The following NSD1 variants were observed in gnomAD, a reference collection of about 807,000 sequenced individuals.
NSD1 encodes histone-lysine N-methyltransferase, H3 lysine-36 specific.
A neutral mutation model predicts 242.7 loss-of-function variants in NSD1; 26 were observed. The ratio of observed to expected loss-of-function variants is 0.11; its 90% CI spans 0.08 to 0.15. NSD1 has a LOEUF of 0.15. Ranked by LOEUF, NSD1 falls within the 10% of genes least tolerant of loss-of-function variation. NSD1 has a pLI of 1.00. For synonymous variants in NSD1, 1,106 were observed against 1,178.1 expected (o/e 0.94, Z 1.25); for missense variants, 2,495 against 3,272.8 (o/e 0.76, Z 5.80).
intron 3 of NSD1, among the ~76,000 whole-genome samples, chr5:177,196,489 T>A (rs567587722): frequency 6.6e-6 from 1 of 152,302 alleles, no homozygotes; most frequent in East Asian, 1.9e-4. Context: ...ATGCATTGGA[T>A]AATGTTGACT....
rs1000873721 is a variant in NSD1, at chr5:177,238,009, C to G, written c.3922-228C>G. Among the ~76,000 whole-genome samples the G allele has an allele frequency of 6.6e-6, 1 of 152,164 alleles. No homozygotes were observed. Among genetic ancestry groups the G allele is most frequent in the Admixed American group, 6.5e-5 (1 of 15,276 alleles). On this transcript the variant is annotated intron_variant, in intron 6 of 22. Transcript: ENST00000439151. This position sits in a 1 kb window ranked among gnomAD's most constrained non-coding sequence, Gnocchi z 4.6. ...CCCCTGGCAATTGCCATTCTATTTTCTGTCTCAAGAATTTTCTTATTCTAG... is the reference window on the plus strand; with the variant it reads ...CCCCTGGCAATTGCCATTCTATTTTGTGTCTCAAGAATTTTCTTATTCTAG...
intron 2 of NSD1, among the ~76,000 whole-genome samples, chr5:177,186,805 A>C (rs1313198048): frequency 6.6e-6 from 1 of 152,136 alleles, no homozygotes; most frequent in African/African-American, 2.4e-5. Flanking sequence ...CCTGGGGAAC[A>C]CAGGGAGACC....
At chr5:177,240,585 C>T (rs1230100130) in intron 8 of NSD1, among the ~76,000 whole-genome samples, 6 of 151,882 alleles carry the variant, frequency 4.0e-5, no homozygotes, top group African/African-American at 9.7e-5. Flanking sequence ...TGGTGGCAGG[C>T]GCCTGTAGTC....
intron 2 of NSD1, among the ~76,000 whole-genome samples, chr5:177,166,288 C>T (rs544590392): frequency 6.6e-6 from 1 of 151,902 alleles, no homozygotes; most frequent in Admixed American, 6.6e-5. Context: ...TGGCTTATGC[C>T]TATAATCCTA....
intron 21 of NSD1, among the ~76,000 whole-genome samples, chr5:177,290,420 T>C (rs1759727557): frequency 6.6e-6 from 1 of 151,410 alleles, no homozygotes; most frequent in African/African-American, 2.4e-5. Context: ...TTTTTTTTTT[T>C]TTTTTGAGAC....
intron 2 of NSD1, among the ~76,000 whole-genome samples, chr5:177,150,180 C>T (rs777226132): frequency 8.6e-5 from 13 of 151,986 alleles, no homozygotes; most frequent in Non-Finnish European, 1.8e-4. Flanking sequence ...GTCACGCAAG[C>T]TGGAATGCAA....
intron 20 of NSD1, among the ~76,000 whole-genome samples, chr5:177,286,337 A>G (rs1759327323): frequency 6.6e-6 from 1 of 152,218 alleles, no homozygotes; most frequent in Non-Finnish European, 1.5e-5. Context: ...AATGTTTTAC[A>G]TGATGACACC....
At chr5:177,264,501 CAT>C (rs943305185) in intron 14 of NSD1, among the ~76,000 whole-genome samples, 1 of 152,256 alleles carries the variant, frequency 6.6e-6, no homozygotes, top group South Asian at 2.1e-4. Flanking sequence ...AAACAAATAA[CAT>C]ATTGCAACAT....
rs574346069 is a variant in NSD1, at chr5:177,238,618, C to A, written c.4192+111C>A. On this transcript the variant is annotated intron_variant, in intron 7 of 22. Coordinates refer to ENST00000439151, the MANE Select transcript of NSD1 (RefSeq NM_022455.5). This position sits in a 1 kb window ranked among gnomAD's most constrained non-coding sequence, Gnocchi z 4.6. Reference sequence around the variant, plus strand: ...ATTGTATCTATATACAATAAACTACCCCCTTTTGTCCTGGGAAATACTTAA... The same window carrying A: ...ATTGTATCTATATACAATAAACTACACCCTTTTGTCCTGGGAAATACTTAA... 24 of 1,211,336 alleles carry A rather than the reference C, an allele frequency of 2.0e-5. No individual in the cohort carries two copies. The East Asian group carries it at 4.9e-4, about 25-fold the overall frequency. 75.0% of individuals were successfully genotyped at this position (1,211,336 alleles called of 1,614,324 possible).
At chr5:177,249,611 C>T (rs969725733) in intron 11 of NSD1, among the ~76,000 whole-genome samples, 5 of 152,092 alleles carry the variant, frequency 3.3e-5, no homozygotes, top group African/African-American at 4.8e-5. Flanking sequence ...CCTCAGCCTC[C>T]TGAGTACCGG....
chr5:177,227,638 G>A (rs953930725), intron 5 of NSD1, among the ~76,000 whole-genome samples: 7 of 151,990 alleles, frequency 4.6e-5, no homozygotes, highest in African/African-American at 1.4e-4. Flanking sequence ...ACAGGGTTTC[G>A]CCTGTTGGCC....
At chr5:177,164,831 T>C (rs1759051876) in intron 2 of NSD1, among the ~76,000 whole-genome samples, 1 of 151,474 alleles carries the variant, frequency 6.6e-6, no homozygotes, top group Non-Finnish European at 1.5e-5. Context: ...TAATCCCAGC[T>C]ACTCAGGAAG....
At position 177,297,042 on chromosome 5, in the gene NSD1, C is replaced by T. The variant is rs1179511426; in HGVS notation, c.*1583C>T. ...ATTGAGGTTACTCCCATCAATTCCACGGAGGGAACAGTAGTTATTATAGAA... is the reference window on the plus strand; with the variant it reads ...ATTGAGGTTACTCCCATCAATTCCATGGAGGGAACAGTAGTTATTATAGAA... On this transcript the variant is annotated 3_prime_UTR_variant, in exon 23 of 23. Transcript: ENST00000439151. 1.7e-5 allele frequency: 4 copies of T among 233,098 alleles called. No individual in the cohort carries two copies. Among genetic ancestry groups the T allele is most frequent in the Non-Finnish European group, 3.4e-5 (4 of 118,026 alleles). The allele number at this position is 233,098 out of a possible 1,614,324, so 14.4% of individuals were successfully genotyped here.
chr5:177,248,017 C>T, intron 10 of NSD1, 164 bp from the exon 11 acceptor site: 1 of 985,442 alleles, frequency 1.0e-6, no homozygotes, highest in Non-Finnish European at 1.2e-6. Flanking sequence ...ACTACCCGCC[C>T]AATCACAGCA....
chr5:177,147,257 C>T (rs1757328999), intron 2 of NSD1, among the ~76,000 whole-genome samples: 1 of 152,068 alleles, frequency 6.6e-6, no homozygotes, highest in Non-Finnish European at 1.5e-5. Flanking sequence ...AGGCACTTGC[C>T]ACCATGCCCC....
intron 2 of NSD1, among the ~76,000 whole-genome samples, chr5:177,167,307 T>C (rs1055342519): frequency 6.6e-6 from 1 of 151,826 alleles, no homozygotes; most frequent in Non-Finnish European, 1.5e-5. Context: ...GAGGCCGAGG[T>C]GGGTGGATCA....
chr5:177,219,138 T>G (rs1387476882), intron 5 of NSD1, among the ~76,000 whole-genome samples: 8 of 152,090 alleles, frequency 5.3e-5, no homozygotes, highest in African/African-American at 1.9e-4. Context: ...TGTTGGCATT[T>G]ACTGATACAG....
chr5:177,294,842 C>T lies in NSD1; in HGVS notation c.7474C>T (p.Pro2492Ser), dbSNP rs2127283150. Residue 2492 changes from proline to serine, a missense_variant, in exon 23 of 23, where the codon CCT (proline) becomes TCT (serine). Transcript: ENST00000439151. ...KMPVLESSSW[P>S]ASKGLGHMPR... ...GCCAGTGTTGGAGTCAAGTTCATGG[C>T]CTGCCAGCAAAGGTCTGGGGCATAT... 4 of 1,612,670 alleles carry T rather than the reference C, an allele frequency of 2.5e-6. 1 individual carries two copies. The highest frequency in any genetic ancestry group is 3.4e-6 in the Non-Finnish European group (4 of 1,179,984).
intron 2 of NSD1, among the ~76,000 whole-genome samples, chr5:177,139,653 C>T (rs968592975): frequency 2.6e-5 from 4 of 152,154 alleles, no homozygotes; most frequent in African/African-American, 9.7e-5. Context: ...TGCTATTTGT[C>T]TCTTTTTGTC....
Sources: allele counts gnomAD v4.1 joint callset (sites outside exome capture counted in the v4.1 genomes callset), GRCh38; gene constraint gnomAD v4.1.1; non-coding constraint Gnocchi (gnomAD v3.1); transcripts MANE v1.5; gene names NCBI Gene and HGNC (gene_info 2026-07-23, HGNC 2026-07-21).